NFE2L1: variants seen among roughly 807,000 people sequenced by gnomAD.
The protein encoded by NFE2L1 is NFE2 like bZIP transcription factor 1, also known as endoplasmic reticulum membrane sensor NFE2L1.
A neutral mutation model predicts 61.6 loss-of-function variants in NFE2L1; 18 were observed. The ratio of observed to expected loss-of-function variants is 0.29; its 90% confidence interval spans 0.20 to 0.43. The LOEUF (loss-of-function observed/expected upper bound fraction) is 0.43, where lower values mean the gene tolerates loss of function less well. NFE2L1 is among the 20% of genes least tolerant of loss of function. NFE2L1 has a pLI of 1.00. For missense variants in NFE2L1, 827 were observed against 973.5 expected (o/e 0.85, Z 2.00); for synonymous variants, 419 against 402.7 (o/e 1.04, Z -0.48).
At chr17:48,056,357 G>C in intron 2 of NFE2L1, 29 bp from the exon 3 acceptor site, 4 of 1,613,300 alleles carry the variant, frequency 2.5e-6, no homozygotes, top group Non-Finnish European at 3.4e-6. Context: ...TGGGATCTTA[G>C]AGCTAAAGTC....
At position 48,059,037 on chromosome 17, in the gene NFE2L1, G is replaced by C. The variant is rs1258426653; in HGVS notation, c.1715G>C (p.Gly572Ala). ...TGCCTGCCCTACCTGGAGCACGTGG[G>C]CCACAACCACACATACAACATGGCA... is the stretch of plus-strand genomic sequence containing the variant. The part of the protein sequence containing the change: ...LSCLPYLEHV[G>A]HNHTYNMAPS... Residue 572 changes from glycine to alanine, a missense_variant, in exon 6 of 6, where the codon GGC (glycine) becomes GCC (alanine). Coordinates refer to ENST00000362042, the MANE Select transcript of NFE2L1 (RefSeq NM_003204.3). This position sits in a 1 kb window ranked among gnomAD's most constrained non-coding sequence, Gnocchi z 6.1. 6.2e-7 allele frequency: 1 copy of C among 1,614,020 alleles called. No individual in the cohort carries two copies. Among genetic ancestry groups the C allele is most frequent in the Admixed American group, 1.7e-5 (1 of 60,000 alleles).
intron 2 of NFE2L1, among the ~76,000 whole-genome samples, 190 bp from the exon 3 acceptor site, chr17:48,056,196 G>T (rs1457777696): frequency 6.6e-6 from 1 of 152,036 alleles, no homozygotes; most frequent in Non-Finnish European, 1.5e-5. Flanking sequence ...GTGGGAAGGG[G>T]ATAGTGTCTG....
In NFE2L1 at chr17:48,058,337, G is replaced by A. The variant is rs974619275; in HGVS notation, c.1015G>A (p.Ala339Thr). 8 of 1,611,648 alleles carry A rather than the reference G, an allele frequency of 5.0e-6. No individual in the cohort carries two copies. The Admixed American group carries it at 1.2e-4, about 24-fold the overall frequency. ...NTSASEILYS[A>T]PPGDPLSTNY... ...ATCAGCAAGTGAAATCCTGTACAGTGCCCCTCCTGGAGACCCACTGAGCAC... is the reference window on the plus strand; with the variant it reads ...ATCAGCAAGTGAAATCCTGTACAGTACCCCTCCTGGAGACCCACTGAGCAC... The change falls in exon 6 of 6, where the codon GCC becomes ACC. Residue 339 changes from alanine (A) to threonine (T), a missense_variant. Ala to Thr is a moderately conservative substitution (Grantham distance 58). Coordinates refer to ENST00000362042, the MANE Select transcript of NFE2L1 (RefSeq NM_003204.3).
chr17:48,058,570 C>T lies in NFE2L1; in HGVS notation c.1248C>T (p.Leu416=). ...TCGGCTCCACCAACCTGACAGGGCT[C>T]TTCTTTCCACCCCAGCTCAATGGCA... ...STFGSTNLTG[L]FFPPQLNGTA... is the part of the protein sequence containing the mutation. The change falls in exon 6 of 6, where the codon CTC becomes CTT. Residue 416 remains leucine (L), a synonymous_variant. Transcript: ENST00000362042. 6.2e-7 allele frequency: 1 copy of T among 1,613,780 alleles called. No individual in the cohort carries two copies. The highest frequency in any genetic ancestry group is 2.2e-5 in the East Asian group (1 of 44,868).
chr17:48,058,330 G>A lies in NFE2L1; in HGVS notation c.1008G>A (p.Leu336=), dbSNP rs2037454451. ...TGAACACATCAGCAAGTGAAATCCT[G>A]TACAGTGCCCCTCCTGGAGACCCAC... The part of the protein sequence containing the change: ...MEVNTSASEI[L]YSAPPGDPLS... Residue 336 remains leucine, a synonymous_variant, in exon 6 of 6, where the codon CTG becomes CTA. Transcript: ENST00000362042. 6.2e-7 allele frequency: 1 copy of A among 1,609,814 alleles called. No homozygotes were observed. The highest frequency in any genetic ancestry group is 8.5e-7 in the Non-Finnish European group (1 of 1,177,520).
Position 48,050,997 on chromosome 17 carries a change from G to T in NFE2L1, c.-122G>T. On this transcript the variant is annotated 5_prime_UTR_variant, in exon 2 of 6. Coordinates refer to ENST00000362042, the MANE Select transcript of NFE2L1 (RefSeq NM_003204.3). The stretch of plus-strand genomic sequence containing the variant: ...CTCATCCCTTGTGTTCTGCCAGGGT[G>T]GGGTACGGGGTTTGACACTGAGGAG... 8.4e-7 allele frequency: 1 copy of T among 1,193,712 alleles called. No individual in the cohort carries two copies. Among genetic ancestry groups the T allele is most frequent in the Non-Finnish European group, 1.2e-6 (1 of 836,072 alleles). 73.9% of individuals were successfully genotyped at this position (1,193,712 alleles called of 1,614,324 possible). A position where few individuals can be genotyped will look rare whatever the true frequency, so the allele number is the denominator to read the frequency against.
rs1469674577 is a variant in NFE2L1, at chr17:48,050,667, A to C, written c.-452A>C. ...GGCGGGACACTCTGACCCAAGACGAAAGGCCTGTAGCTCCAGCCAAAGAAA... is the reference window on the plus strand; with the variant it reads ...GGCGGGACACTCTGACCCAAGACGACAGGCCTGTAGCTCCAGCCAAAGAAA... On this transcript the variant is annotated 5_prime_UTR_variant, in exon 2 of 6. Transcript: ENST00000362042. The C allele has an allele frequency of 6.9e-6, 3 of 432,380 alleles. No homozygotes were observed. Among genetic ancestry groups the C allele is most frequent in the Non-Finnish European group, 1.2e-5 (3 of 244,824 alleles). 26.8% of individuals were successfully genotyped at this position (432,380 alleles called of 1,614,324 possible).
rs1567751493 is a variant in NFE2L1 at position 48,051,648 on chromosome 17, G to A, written c.510+20G>A. ...AAAGAGGTTAGTGGACCTGTGGTGGGTGTGTGGGGCCTGGGGCTTGGGGGT... is the reference window on the plus strand; with the variant it reads ...AAAGAGGTTAGTGGACCTGTGGTGGATGTGTGGGGCCTGGGGCTTGGGGGT... On this transcript the variant is annotated intron_variant, in intron 2 of 5. Transcript: ENST00000362042. 2 of 1,595,982 alleles carry A rather than the reference G, an allele frequency of 1.3e-6. No individual in the cohort carries two copies. Among genetic ancestry groups the A allele is most frequent in the Admixed American group, 3.4e-5 (2 of 58,500 alleles).
Position 48,059,751 on chromosome 17 carries a change from T to C in NFE2L1, c.*110T>C. 1 of 1,414,984 alleles carries C rather than the reference T, an allele frequency of 7.1e-7. No individual in the cohort carries two copies. Among genetic ancestry groups the C allele is most frequent in the Non-Finnish European group, 9.3e-7 (1 of 1,076,376 alleles). The allele number at this position is 1,414,984 out of a possible 1,614,324, so 87.7% of individuals were successfully genotyped here. A position where few individuals can be genotyped will look rare whatever the true frequency, so the allele number is the denominator to read the frequency against. On this transcript the variant is annotated 3_prime_UTR_variant, in exon 6 of 6. Transcript: ENST00000362042. This position sits in a 1 kb window ranked among gnomAD's most constrained non-coding sequence, Gnocchi z 6.1. ...GGGACTTAAATGCCTTCTTATCCAATATATCTTCTCAGATGGGATGACTGC... is the reference window on the plus strand; with the variant it reads ...GGGACTTAAATGCCTTCTTATCCAACATATCTTCTCAGATGGGATGACTGC...
chr17:48,056,914 A>G, intron 3 of NFE2L1, 118 bp from the exon 4 acceptor site: 1 of 1,022,548 alleles, frequency 9.8e-7, no homozygotes, highest in Non-Finnish European at 1.5e-6. Context: ...ACTCGGGGCC[A>G]GCCATTAGCC....
Position 48,059,302 on chromosome 17 carries a change from C to T in NFE2L1, c.1980C>T (p.Arg660=), listed in dbSNP as rs754547309. ...AQLSLIRDIR[R]RGKNKMAAQN... ...TGAGCCTCATCCGAGACATCCGGCG[C>T]CGGGGCAAGAACAAGATGGCGGCGC... Residue 660 remains arginine, a synonymous_variant, in exon 6 of 6, where the codon CGC becomes CGT. Coordinates refer to ENST00000362042, the MANE Select transcript of NFE2L1 (RefSeq NM_003204.3). This position sits in a 1 kb window ranked among gnomAD's most constrained non-coding sequence, Gnocchi z 6.1. The T allele has an allele frequency of 6.2e-7, 1 of 1,614,210 alleles. No individual in the cohort carries two copies. The highest frequency in any genetic ancestry group is 8.5e-7 in the Non-Finnish European group (1 of 1,180,050).
intron 2 of NFE2L1, chr17:48,054,789 G>A (rs2037350294): frequency 2.3e-6 from 3 of 1,314,610 alleles, no homozygotes; most frequent in African/African-American, 1.5e-5. Flanking sequence ...GCAGCTGGGC[G>A]CCTGAGTGGA....
chr17:48,057,664 C>T (rs1360837324), intron 5 of NFE2L1, among the ~76,000 whole-genome samples, 162 bp downstream of exon 5: 1 of 152,150 alleles, frequency 6.6e-6, no homozygotes, highest in African/African-American at 2.4e-5. Flanking sequence ...GTCCTTGGGG[C>T]AATGGGAGCT....
In NFE2L1 at chr17:48,061,085, A is replaced by G. The variant is rs2037538878; in HGVS notation, c.*1444A>G. ...CCCAAACACACAAGCTCTCAGCCAC[A>G]GGCAGCTTCTCCACAGCCCCAGCTT... On this transcript the variant is annotated 3_prime_UTR_variant, in exon 6 of 6. Transcript: ENST00000362042. 1 of 152,636 alleles carries G rather than the reference A, an allele frequency of 6.6e-6. No homozygotes were observed. Among genetic ancestry groups the G allele is most frequent in the African/African-American group, 2.4e-5 (1 of 41,468 alleles). The allele number at this position is 152,636 out of a possible 1,614,324, so 9.5% of individuals were successfully genotyped here. A position where few individuals can be genotyped will look rare whatever the true frequency, so the allele number is the denominator to read the frequency against.
intron 5 of NFE2L1, 36 bp downstream of exon 5, chr17:48,057,538 T>C: frequency 1.9e-6 from 3 of 1,592,336 alleles, no homozygotes; most frequent in Non-Finnish European, 2.6e-6. Flanking sequence ...ACCTATTGGA[T>C]TTTGCACAGA....
chr17:48,058,548 G>A lies in NFE2L1; in HGVS notation c.1226G>A (p.Gly409Asp). 6.2e-7 allele frequency: 1 copy of A among 1,613,542 alleles called. No homozygotes were observed. The highest frequency in any genetic ancestry group is 8.5e-7 in the Non-Finnish European group (1 of 1,179,658). The change falls in exon 6 of 6, where the codon GGC (glycine) becomes GAC (aspartate). Residue 409 changes from glycine (G) to aspartate (D), a missense_variant. By Grantham distance (94) the Gly-to-Asp change is moderately conservative. Transcript: ENST00000362042. ...TCTACCAGCCTCAACTCCACCTTCG[G>A]CTCCACCAACCTGACAGGGCTCTTC... is the stretch of plus-strand genomic sequence containing the variant. ...SNSTSLNSTFGSTNLTGLFFP... is the reference protein window; with the variant it reads ...SNSTSLNSTFDSTNLTGLFFP...
At chr17:48,050,142 G>C (rs932604601) in intron 1 of NFE2L1, among the ~76,000 whole-genome samples, 3 of 150,720 alleles carry the variant, frequency 2.0e-5, no homozygotes, top group Non-Finnish European at 4.4e-5. Context: ...GCTATATTTT[G>C]GGTTTTTTTT....
In NFE2L1 at chr17:48,060,894, T is replaced by G. The variant is rs1429817389; in HGVS notation, c.*1253T>G. 1 of 152,680 alleles carries G rather than the reference T, an allele frequency of 6.5e-6. No individual in the cohort carries two copies. Among genetic ancestry groups the G allele is most frequent in the African/African-American group, 2.4e-5 (1 of 41,464 alleles). The allele number at this position is 152,680 out of a possible 1,614,324, so 9.5% of individuals were successfully genotyped here. ...ATGCTTGTGTTGAGTAAAAAGGAGA[T>G]GCCCAATATTCAAAGCTGCTAAATG... On this transcript the variant is annotated 3_prime_UTR_variant, in exon 6 of 6. Transcript: ENST00000362042.
chr17:48,049,607 G>C (rs1376896689), intron 1 of NFE2L1, among the ~76,000 whole-genome samples: 2 of 152,168 alleles, frequency 1.3e-5, no homozygotes, highest in East Asian at 1.9e-4. Context: ...TGTTCAGGCT[G>C]GTCTCAAACT....
Sources: gnomAD v4.1 joint callset for allele counts (sites outside exome capture counted in the v4.1 genomes callset) on GRCh38, gnomAD v4.1.1 for gene constraint, Gnocchi (gnomAD v3.1) non-coding constraint, MANE v1.5 for transcripts, NCBI Gene and HGNC (gene_info 2026-07-23, HGNC 2026-07-21) for gene names.